Variants in NPHP4 observed in about 807,000 individuals in gnomAD.
The protein encoded by NPHP4 is nephrocystin 4.
Under a neutral mutation model 155.8 loss-of-function variants are expected in NPHP4, and 151 were observed. That is an observed-to-expected ratio of 0.97 (90% CI 0.85 to 1.11). NPHP4 has a LOEUF of 1.11. NPHP4 is among the 50% of genes least tolerant of loss of function. The probability of loss-of-function intolerance (pLI) is 0.00; values close to 1 mark genes in which losing one functional copy is unlikely to be tolerated. For synonymous variants in NPHP4, 845 were observed against 816.8 expected, an observed-to-expected ratio of 1.03 and a Z score of -0.59; for missense variants, 1,956 against 1,925.7, an observed-to-expected ratio of 1.02 and a Z score of -0.29.
intron 11 of NPHP4, among the ~76,000 whole-genome samples, chr1:5,925,226 TAC>T (rs1167845906): frequency 6.6e-6 from 1 of 152,220 alleles, no homozygotes; most frequent in Non-Finnish European, 1.5e-5. Context: ...ACTGAACACG[TAC>T]AGACTCTTTT....
intron 1 of NPHP4, among the ~76,000 whole-genome samples, chr1:5,988,305 T>G (rs1446859029): frequency 1.3e-5 from 2 of 152,138 alleles, no homozygotes; most frequent in Non-Finnish European, 2.9e-5. Context: ...CGGGATGGAT[T>G]TCCTTCACAT....
rs745876507 is a variant in NPHP4, at chr1:5,947,202, T to C, written c.1021A>G (p.Ser341Gly). 3 of 1,613,814 alleles carry C rather than the reference T, an allele frequency of 1.9e-6. No individual in the cohort carries two copies. The South Asian group carries it at 3.3e-5, about 18-fold the overall frequency. ...SSGSQALVLR[S>G]RLRLPEMVGH... is the part of the protein sequence containing the mutation. ...ACCATCTCTGGGAGGCGGAGGCGGC[T>C]TCTCAAAACCAGAGCTTGGCTCCCG... Residue 341 changes from serine to glycine, a missense_variant, in exon 9 of 30, where the codon AGC becomes GGC. Transcript: ENST00000378156.
At chr1:5,964,917 T>TATATATATATATATATA (rs1553194702) in intron 5 of NPHP4, among the ~76,000 whole-genome samples, 1 of 82,628 alleles carries the variant, frequency 1.2e-5, no homozygotes, top group African/African-American at 5.6e-5. Context: ...TACATATATA[T>TATATATATATATATATA]TATATATATA....
At chr1:5,970,363 C>A (rs1266759443) in intron 3 of NPHP4, among the ~76,000 whole-genome samples, 1 of 151,978 alleles carries the variant, frequency 6.6e-6, no homozygotes. Context: ...ATTAGCCAGG[C>A]ATGGTGGTGC....
In NPHP4 at chr1:5,947,122, A is replaced by G; in HGVS notation, c.1101T>C (p.Pro367=). ...TTCTTACATTGCCGTCCACTCCTGC[A>G]GGGCTGCTGAACACGTACTCCAGCT... ...IFQLEYVFSS[P]AGVDGNAASV... Residue 367 remains proline (P), a synonymous_variant, in exon 9 of 30, where the codon CCT becomes CCC. Coordinates refer to ENST00000378156, the MANE Select transcript of NPHP4 (RefSeq NM_015102.5). The G allele has an allele frequency of 6.2e-7, 1 of 1,614,010 alleles. No homozygotes were observed. Among genetic ancestry groups the G allele is most frequent in the Non-Finnish European group, 8.5e-7 (1 of 1,179,868 alleles).
At chr1:5,928,831 G>T (rs575107702) in intron 10 of NPHP4, among the ~76,000 whole-genome samples, 1 of 152,016 alleles carries the variant, frequency 6.6e-6, no homozygotes, top group Non-Finnish European at 1.5e-5. Flanking sequence ...CTGAGATTTT[G>T]ACTGAAACTG....
chr1:5,941,518 CT>C (rs1646815985), intron 9 of NPHP4, among the ~76,000 whole-genome samples: 1 of 152,060 alleles, frequency 6.6e-6, no homozygotes. Context: ...GAGAAAATAT[CT>C]GCACTATTTA....
At position 5,927,650 on chromosome 1, in the gene NPHP4, C is replaced by T. The variant is rs374690894; in HGVS notation, c.1440G>A (p.Ser480=). The T allele has an allele frequency of 7.4e-5, 119 of 1,604,026 alleles. No individual in the cohort carries two copies. Among genetic ancestry groups the T allele is most frequent in the African/African-American group, 5.0e-4 (37 of 74,744 alleles). ...RPSRKPPTSP[S]SPPAPVPRVL... ...AGTCAGCTCTCTGGAAACACTTACTCGAAGGGGACGTGGGTGGTTTCCTGG... is the reference window on the plus strand; with the variant it reads ...AGTCAGCTCTCTGGAAACACTTACTTGAAGGGGACGTGGGTGGTTTCCTGG... The change falls in exon 11 of 30, where the codon TCG becomes TCA. Residue 480 remains serine, a splice_region_variant and synonymous_variant. Coordinates refer to ENST00000378156, the MANE Select transcript of NPHP4 (RefSeq NM_015102.5).
rs970759891 is a variant in NPHP4 at position 5,905,862 on chromosome 1, G to T, written c.1612-79C>A. ...AACCAACGGTGCTCAGATCTAAGGG[G>T]ATTCATCGATTAATTGCCTCTGGAG... On this transcript the variant is annotated intron_variant, in intron 13 of 29. Transcript: ENST00000378156. The surrounding 1 kb of genome is among the most constrained non-coding windows in gnomAD (Gnocchi z 4.0). 1.2e-4 allele frequency: 167 copies of T among 1,355,690 alleles called. No homozygotes were observed. Among genetic ancestry groups the T allele is most frequent in the Non-Finnish European group, 1.6e-4 (159 of 992,128 alleles). The allele number at this position is 1,355,690 out of a possible 1,614,324, so 84.0% of individuals were successfully genotyped here.
intron 8 of NPHP4, among the ~76,000 whole-genome samples, chr1:5,947,531 C>G (rs561131217): frequency 6.6e-6 from 1 of 152,320 alleles, no homozygotes; most frequent in South Asian, 2.1e-4. Flanking sequence ...TTCCAAATTA[C>G]CAAAGCTTGC....
intron 23 of NPHP4, among the ~76,000 whole-genome samples, chr1:5,872,917 C>T (rs1256842461): frequency 2.0e-5 from 3 of 152,226 alleles, no homozygotes; most frequent in Non-Finnish European, 1.5e-5. Context: ...CACACTCACA[C>T]ACCAGGGAAT....
chr1:5,923,171 C>A (rs977790623), intron 11 of NPHP4, among the ~76,000 whole-genome samples: 1 of 152,176 alleles, frequency 6.6e-6, no homozygotes, highest in African/African-American at 2.4e-5. Context: ...GCTTTCAAAC[C>A]CCGGGATGAT....
chr1:5,978,204 C>T, intron 3 of NPHP4, 66 bp downstream of exon 3: 3 of 1,506,300 alleles, frequency 2.0e-6, no homozygotes, highest in Non-Finnish European at 2.7e-6. Flanking sequence ...TGGGCTGCCA[C>T]CCAGGACCAC....
chr1:5,915,094 C>A (rs1024540322), intron 11 of NPHP4, among the ~76,000 whole-genome samples: 7 of 152,180 alleles, frequency 4.6e-5, no homozygotes, highest in Admixed American at 4.6e-4. Flanking sequence ...CCTATGGGGT[C>A]AGCAATTCCG....
In NPHP4 at chr1:5,864,394, GGTGGCAATCC is replaced by G. The variant is rs1557580413; in HGVS notation, c.3930_3939del (p.Asp1311SerfsTer92). ...CACACGAGCCAGGAGGCCACCAGCTGGTGGCAATCCACGTCCACCAGGTTGAGATGGACAA... is the reference window on the plus strand; with the variant it reads ...CACACGAGCCAGGAGGCCACCAGCTGACGTCCACCAGGTTGAGATGGACAA... On this transcript the variant is annotated frameshift_variant, in exon 28 of 30. Coordinates refer to ENST00000378156, the MANE Select transcript of NPHP4 (RefSeq NM_015102.5). LOFTEE classifies it high-confidence loss of function. The G allele has an allele frequency of 6.2e-7, 1 of 1,611,806 alleles. No individual in the cohort carries two copies.
chr1:5,946,288 T>C (rs1053084161), intron 9 of NPHP4, among the ~76,000 whole-genome samples: 1 of 152,206 alleles, frequency 6.6e-6, no homozygotes, highest in Non-Finnish European at 1.5e-5. Flanking sequence ...TTAATATAAA[T>C]GATGTCCACA....
chr1:5,965,784 T>A (rs1279730422), intron 5 of NPHP4, among the ~76,000 whole-genome samples: 1 of 152,096 alleles, frequency 6.6e-6, no homozygotes, highest in East Asian at 1.9e-4. Flanking sequence ...CCCACCGCTC[T>A]CCCTCTTCTG....
intron 2 of NPHP4, among the ~76,000 whole-genome samples, chr1:5,982,915 G>C (rs1204926802): frequency 6.6e-6 from 1 of 152,072 alleles, no homozygotes; most frequent in African/African-American, 2.4e-5. Context: ...AAGCTTATTG[G>C]GACATTTTAA....
rs573826727 is a variant in NPHP4 at position 5,969,185 on chromosome 1, T to C, written c.354A>G (p.Lys118=). 105 of 1,574,914 alleles carry C rather than the reference T, an allele frequency of 6.7e-5. 2 individuals carry two copies. The South Asian group carries it at 1.1e-3, about 16-fold the overall frequency. ...AVVEVVAEGK[K]RDGSLQTLSC... ...ACAATGTCTGGAGGCTCCCATCCCGTTTCTTGCCCTCAGCGACCACTTCCA... is the reference window on the plus strand; with the variant it reads ...ACAATGTCTGGAGGCTCCCATCCCGCTTCTTGCCCTCAGCGACCACTTCCA... Residue 118 remains lysine, a synonymous_variant, in exon 4 of 30, where the codon AAA becomes AAG. Coordinates refer to ENST00000378156, the MANE Select transcript of NPHP4 (RefSeq NM_015102.5).
Sources: allele counts gnomAD v4.1 joint callset (sites outside exome capture counted in the v4.1 genomes callset), GRCh38; gene constraint gnomAD v4.1.1; non-coding constraint Gnocchi (gnomAD v3.1); transcripts MANE v1.5; gene names NCBI Gene and HGNC (gene_info 2026-07-23, HGNC 2026-07-21).